GRID1: variants seen among roughly 807,000 people sequenced by gnomAD.
GRID1 encodes the protein glutamate receptor ionotropic, delta-1.
In GRID1, 28 loss-of-function variants were observed where a neutral mutation model predicts 98.0. That is an observed-to-expected ratio of 0.29 (90% CI 0.21 to 0.39). GRID1 has a LOEUF of 0.39. Among genes scored for constraint, GRID1 ranks in the 10% least tolerant of loss-of-function variants. GRID1 has a pLI of 1.00. For missense variants in GRID1, 1,111 were observed against 1,340.5 expected (o/e 0.83, Z 2.67); for synonymous variants, 553 against 538.5 (o/e 1.03, Z -0.37).
intron 3 of GRID1, among the ~76,000 whole-genome samples, chr10:86,182,349 A>T (rs1439986301): frequency 6.6e-6 from 1 of 152,246 alleles, no homozygotes; most frequent in South Asian, 2.1e-4. Flanking sequence ...ACTGCATGCC[A>T]TTGATCGCCA....
intron 5 of GRID1, among the ~76,000 whole-genome samples, chr10:85,878,976 C>T (rs1039865681): frequency 4.0e-4 from 61 of 151,756 alleles, no homozygotes; most frequent in African/African-American, 1.4e-3. Context: ...CAATCCTAGT[C>T]TCTGATAAAA....
rs185424249 is a variant in GRID1 at position 85,960,368 on chromosome 10, G to A, written c.727-44129C>T. On this transcript the variant is annotated intron_variant, in intron 4 of 15. Coordinates refer to ENST00000327946, the MANE Select transcript of GRID1 (RefSeq NM_017551.3). Reference sequence around the variant, plus strand: ...CACTCTGCCCACACAGACAGGTGGCGAAGTGTTCAGGTGCTGCCTGCAGGA... The same window carrying A: ...CACTCTGCCCACACAGACAGGTGGCAAAGTGTTCAGGTGCTGCCTGCAGGA... 3.1e-3 allele frequency among the ~76,000 whole-genome samples: 469 copies of A among 152,346 alleles called. 1 individual carries two copies. The highest frequency in any genetic ancestry group is 0.011 in the African/African-American group (441 of 41,576).
At chr10:85,616,435 G>C (rs7922990) in intron 14 of GRID1, among the ~76,000 whole-genome samples, 1 of 152,116 alleles carries the variant, frequency 6.6e-6, no homozygotes. Context: ...GGATGGTGAG[G>C]CTCTGGCCAG....
At chr10:86,224,079 G>A (rs1846302764) in intron 2 of GRID1, among the ~76,000 whole-genome samples, 1 of 152,188 alleles carries the variant, frequency 6.6e-6, no homozygotes, top group South Asian at 2.1e-4. Context: ...TTCCTGGGAT[G>A]CCAGGCACAT....
At chr10:86,148,088 A>G (rs569672455) in intron 3 of GRID1, among the ~76,000 whole-genome samples, 15 of 152,340 alleles carry the variant, frequency 9.8e-5, no homozygotes, top group African/African-American at 3.6e-4. Flanking sequence ...CAAGTATAAC[A>G]AACAGTCTTT....
At chr10:86,175,160 G>A (rs1392992782) in intron 3 of GRID1, among the ~76,000 whole-genome samples, 1 of 152,146 alleles carries the variant, frequency 6.6e-6, no homozygotes, top group East Asian at 1.9e-4. Flanking sequence ...TGCGTGGCAG[G>A]GGAAGTATAT....
At chr10:86,286,096 G>C (rs1005778018) in intron 2 of GRID1, among the ~76,000 whole-genome samples, 1 of 152,200 alleles carries the variant, frequency 6.6e-6, no homozygotes, top group Non-Finnish European at 1.5e-5. Flanking sequence ...GGCTGTAGGT[G>C]TAGGTATAAG....
chr10:85,637,553 AGC>A (rs1422373688), intron 13 of GRID1, among the ~76,000 whole-genome samples: 1 of 152,240 alleles, frequency 6.6e-6, no homozygotes, highest in Non-Finnish European at 1.5e-5. Flanking sequence ...CCTACAAGGA[AGC>A]TACACATTTA....
chr10:86,275,742 G>C (rs1347130350), intron 2 of GRID1, among the ~76,000 whole-genome samples: 1 of 152,050 alleles, frequency 6.6e-6, no homozygotes, highest in Non-Finnish European at 1.5e-5. Flanking sequence ...AGAAAGAAAA[G>C]AGAAAGATGA....
chr10:85,679,688 G>T (rs568400417), intron 12 of GRID1, among the ~76,000 whole-genome samples: 1 of 152,308 alleles, frequency 6.6e-6, no homozygotes, highest in South Asian at 2.1e-4. Context: ...AATGGAAGTG[G>T]ATGAGGCAAG....
At chr10:85,797,589 C>G (rs1842536855) in intron 8 of GRID1, among the ~76,000 whole-genome samples, 1 of 151,812 alleles carries the variant, frequency 6.6e-6, no homozygotes, top group Admixed American at 6.6e-5. Flanking sequence ...GCCACCACAC[C>G]CACTGGGGGC....
chr10:85,853,852 T>C (rs1325030060), intron 8 of GRID1, among the ~76,000 whole-genome samples: 1 of 152,154 alleles, frequency 6.6e-6, no homozygotes, highest in Non-Finnish European at 1.5e-5. Flanking sequence ...CACTCTCCAC[T>C]ATCCACAGTC....
chr10:86,125,963 T>A (rs1471700119), intron 4 of GRID1, among the ~76,000 whole-genome samples: 1 of 152,216 alleles, frequency 6.6e-6, no homozygotes, highest in East Asian at 1.9e-4. Flanking sequence ...CAGTAAGCTT[T>A]AGGAGTTAAG....
At chr10:86,190,138 C>A (rs920139411) in intron 3 of GRID1, among the ~76,000 whole-genome samples, 1 of 152,182 alleles carries the variant, frequency 6.6e-6, no homozygotes, top group Non-Finnish European at 1.5e-5. Flanking sequence ...GTGTCACCAT[C>A]TAGTCGCCCA....
chr10:86,127,882 C>T (rs1472083810), intron 4 of GRID1, among the ~76,000 whole-genome samples: 4 of 152,202 alleles, frequency 2.6e-5, no homozygotes, highest in Admixed American at 2.6e-4. Flanking sequence ...ACACCATCCA[C>T]AGGCACAATA....
intron 4 of GRID1, among the ~76,000 whole-genome samples, chr10:85,955,717 T>G (rs566407153): frequency 6.6e-6 from 1 of 150,776 alleles, no homozygotes; most frequent in African/African-American, 2.4e-5. Flanking sequence ...CATGATTCAT[T>G]TAGTCATCAG....
At position 86,192,924 on chromosome 10, in the gene GRID1, T is replaced by C. The variant is rs1014795188; in HGVS notation, c.520+13440A>G. Reference sequence around the variant, plus strand: ...GGCCTAAGGCTCCACTGTGTGTGGGTCCCTCTGCAAACAGAATGTGTGAGA... The same window carrying C: ...GGCCTAAGGCTCCACTGTGTGTGGGCCCCTCTGCAAACAGAATGTGTGAGA... On this transcript the variant is annotated intron_variant, in intron 3 of 15. Transcript: ENST00000327946. This position sits in a 1 kb window ranked among gnomAD's most constrained non-coding sequence, Gnocchi z 4.8. Among the ~76,000 whole-genome samples the C allele has an allele frequency of 1.3e-5, 2 of 151,890 alleles. No individual in the cohort carries two copies. Among genetic ancestry groups the C allele is most frequent in the Admixed American group, 6.6e-5 (1 of 15,256 alleles).
rs1846032420 is a variant in GRID1, at chr10:86,206,792, G to C, written c.236-144C>G. 2 of 673,808 alleles carry C rather than the reference G, an allele frequency of 3.0e-6. No homozygotes were observed. Among genetic ancestry groups the C allele is most frequent in the Non-Finnish European group, 5.0e-6 (2 of 401,360 alleles). The allele number at this position is 673,808 out of a possible 1,614,324, so 41.7% of individuals were successfully genotyped here. A position where few individuals can be genotyped will look rare whatever the true frequency, so the allele number is the denominator to read the frequency against. The stretch of plus-strand genomic sequence containing the variant: ...CCTCCAGGACCAAGAACCATCCTGG[G>C]CAGGCCAGTGGCTCTCATAAGCACA... On this transcript the variant is annotated intron_variant, in intron 2 of 15. Transcript: ENST00000327946. The surrounding 1 kb of genome is among the most constrained non-coding windows in gnomAD (Gnocchi z 4.1).
chr10:85,727,581 T>G (rs1383911399), intron 10 of GRID1, among the ~76,000 whole-genome samples: 1 of 152,122 alleles, frequency 6.6e-6, no homozygotes, highest in Non-Finnish European at 1.5e-5. Flanking sequence ...CCTTGAAGGG[T>G]GTGCTACAGA....
Sources: allele counts gnomAD v4.1 joint callset (sites outside exome capture counted in the v4.1 genomes callset), GRCh38; gene constraint gnomAD v4.1.1; non-coding constraint Gnocchi (gnomAD v3.1); transcripts MANE v1.5; gene names NCBI Gene and HGNC (gene_info 2026-07-23, HGNC 2026-07-21).